Variants in SS18L1 observed in about 807,000 individuals in gnomAD.
The protein encoded by SS18L1 is SS18L1 subunit of BAF chromatin remodeling complex.
A neutral mutation model predicts 70.3 loss-of-function variants in SS18L1; 32 were observed. That is an observed-to-expected ratio of 0.46 (90% CI 0.34 to 0.61). The LOEUF (loss-of-function observed/expected upper bound fraction) is 0.61. Among genes scored for constraint, SS18L1 ranks in the 20% least tolerant of loss-of-function variants. The probability of loss-of-function intolerance (pLI) is 0.01; values close to 1 mark genes in which losing one functional copy is unlikely to be tolerated. For missense variants in SS18L1, 430 were observed against 542.1 expected, an observed-to-expected ratio of 0.79 and a Z score of 2.05; for synonymous variants, 237 against 229.7, an observed-to-expected ratio of 1.03 and a Z score of -0.29.
At position 62,158,029 on chromosome 20, in the gene SS18L1, GA is replaced by G. The variant is rs1385345172; in HGVS notation, c.70-642del. 6.6e-6 allele frequency among the ~76,000 whole-genome samples: 1 copy of G among 152,176 alleles called. No homozygotes were observed. The highest frequency in any genetic ancestry group is 1.5e-5 in the Non-Finnish European group (1 of 68,032). On this transcript the variant is annotated intron_variant, in intron 1 of 10. Coordinates refer to ENST00000331758, the MANE Select transcript of SS18L1 (RefSeq NM_198935.3). This position sits in a 1 kb window ranked among gnomAD's most constrained non-coding sequence, Gnocchi z 4.5. ...GCCCTGGACCCCTGCTGATCCTTGG[GA>G]GGGGGCAGTTACCTGTGCCCCACCC...
chr20:62,154,351 G>A (rs1362626049), intron 1 of SS18L1: 23 of 1,049,904 alleles, frequency 2.2e-5, no homozygotes, highest in Non-Finnish European at 2.6e-5. Context: ...CTAACTTGCG[G>A]GTCTGAAAGT....
chr20:62,164,049 C>T (rs187372533), intron 6 of SS18L1, 96 bp from the exon 7 acceptor site: 843 of 1,095,852 alleles, frequency 7.7e-4, no homozygotes, highest in Non-Finnish European at 1.0e-3. Flanking sequence ...GTGGGTGAGG[C>T]CATTCAGCAA....
At chr20:62,150,673 A>G (rs1484365611) in intron 1 of SS18L1, among the ~76,000 whole-genome samples, 7 of 33,264 alleles carry the variant, frequency 2.1e-4, no homozygotes, top group African/African-American at 4.0e-4. Flanking sequence ...TTTTTTTTGG[A>G]GACAGAGTCT....
chr20:62,144,273 C>T (rs1436320178), intron 1 of SS18L1, among the ~76,000 whole-genome samples: 1 of 152,058 alleles, frequency 6.6e-6, no homozygotes, highest in East Asian at 1.9e-4. Context: ...CCCTCGGGGC[C>T]GGAGCCGCGG....
rs750868725 is a variant in SS18L1, at chr20:62,162,895, G to A, written c.520G>A (p.Val174Met). ...MQGQGTIGNY[V>M]SRTNINMQSN... ...GGGGCAAGGCACCATCGGCAACTAC[G>A]TGTCTCGGACCAACATCAACATGCA... The change falls in exon 5 of 11, where the codon GTG becomes ATG. Residue 174 changes from valine (V) to methionine (M), a missense_variant. By Grantham distance (21) the Val-to-Met change is conservative (BLOSUM62 1). Coordinates refer to ENST00000331758, the MANE Select transcript of SS18L1 (RefSeq NM_198935.3). The A allele has an allele frequency of 2.5e-6, 4 of 1,612,904 alleles. No homozygotes were observed. The highest frequency in any genetic ancestry group is 2.2e-5 in the East Asian group (1 of 44,854).
chr20:62,149,906 A>G (rs2057096998), intron 1 of SS18L1, among the ~76,000 whole-genome samples: 1 of 152,228 alleles, frequency 6.6e-6, no homozygotes, highest in South Asian at 2.1e-4. Context: ...TGCTAGTACA[A>G]TAAGCACGTC....
intron 10 of SS18L1, among the ~76,000 whole-genome samples, chr20:62,175,844 T>C (rs1368353256): frequency 6.6e-6 from 1 of 152,224 alleles, no homozygotes; most frequent in African/African-American, 2.4e-5. Flanking sequence ...GGCACCGTAC[T>C]CGGCCATGCC....
At chr20:62,144,134 C>T (rs564791005) in intron 1 of SS18L1, among the ~76,000 whole-genome samples, 268 of 150,904 alleles carry the variant, frequency 1.8e-3, no homozygotes, top group African/African-American at 6.0e-3. Context: ...CGCGCGGGTC[C>T]CTCGGGCCGG....
chr20:62,153,743 G>A (rs1407800077), intron 1 of SS18L1, among the ~76,000 whole-genome samples: 2 of 152,052 alleles, frequency 1.3e-5, no homozygotes, highest in Non-Finnish European at 2.9e-5. Flanking sequence ...TCAGTCTCGG[G>A]GCTGCTCTCC....
At chr20:62,162,976 C>G (rs370317803) in intron 5 of SS18L1, 45 bp downstream of exon 5, 4 of 1,596,094 alleles carry the variant, frequency 2.5e-6, no homozygotes, top group African/African-American at 1.3e-5. Flanking sequence ...GGGCCTGCCT[C>G]CAAGACCCTT....
At position 62,181,855 on chromosome 20, in the gene SS18L1, T is replaced by C; in HGVS notation, c.*2647T>C. 4.4e-6 allele frequency: 1 copy of C among 227,944 alleles called. No individual in the cohort carries two copies. The highest frequency in any genetic ancestry group is 8.7e-6 in the Non-Finnish European group (1 of 114,758). The allele number at this position is 227,944 out of a possible 1,614,324, so 14.1% of individuals were successfully genotyped here. A position where few individuals can be genotyped will look rare whatever the true frequency, so the allele number is the denominator to read the frequency against. ...TGGTGCTTTGTTTTTTTCTGACTACTTCTATGGAAGGCCAGTGAAGAAGCA... is the reference window on the plus strand; with the variant it reads ...TGGTGCTTTGTTTTTTTCTGACTACCTCTATGGAAGGCCAGTGAAGAAGCA... On this transcript the variant is annotated 3_prime_UTR_variant, in exon 11 of 11. Transcript: ENST00000331758.
In SS18L1 at chr20:62,162,906, C is replaced by T; in HGVS notation, c.531C>T (p.Thr177=). 2 of 1,612,822 alleles carry T rather than the reference C, an allele frequency of 1.2e-6. No individual in the cohort carries two copies. Among genetic ancestry groups the T allele is most frequent in the South Asian group, 1.1e-5 (1 of 91,052 alleles). The part of the protein sequence containing the change: ...QGTIGNYVSR[T]NINMQSNPVS... ...CCATCGGCAACTACGTGTCTCGGAC[C>T]AACATCAACATGCAGTCCAACCCAG... is the stretch of plus-strand genomic sequence containing the variant. The change falls in exon 5 of 11, where the codon ACC becomes ACT. Residue 177 remains threonine (T), a synonymous_variant. Transcript: ENST00000331758.
rs369294774 is a variant in SS18L1 at position 62,161,501 on chromosome 20, G to C, written c.297G>C (p.Leu99=). 3.7e-6 allele frequency: 6 copies of C among 1,612,864 alleles called. No individual in the cohort carries two copies. The African/African-American group carries it at 8.0e-5, about 21-fold the overall frequency. The change falls in exon 4 of 11, where the codon CTG becomes CTC. Residue 99 remains leucine, a synonymous_variant. Transcript: ENST00000331758. This position sits in a 1 kb window ranked among gnomAD's most constrained non-coding sequence, Gnocchi z 4.4. ...ALTQSGSSQG[L]HSQGSLSDAI... ...CTCAGAGCGGCTCCAGCCAGGGCCT[G>C]CACTCTCAGGGCAGCCTGAGTGACG...
chr20:62,182,271 C>G lies in SS18L1; in HGVS notation c.*3063C>G, dbSNP rs369938726. On this transcript the variant is annotated 3_prime_UTR_variant, in exon 11 of 11. Coordinates refer to ENST00000331758, the MANE Select transcript of SS18L1 (RefSeq NM_198935.3). ...GTGAATAGGGGGCACCCCTTCAAAA[C>G]TGTACAAAGAAGACGACTGTTTTCC... 54 of 218,376 alleles carry G rather than the reference C, an allele frequency of 2.5e-4. No individual in the cohort carries two copies. The highest frequency in any genetic ancestry group is 1.1e-3 in the African/African-American group (48 of 44,548). The allele number at this position is 218,376 out of a possible 1,614,324, so 13.5% of individuals were successfully genotyped here.
Position 62,158,638 on chromosome 20 carries a change from G to A in SS18L1, c.70-34G>A, listed in dbSNP as rs377186078. ...CATCCCGAGGGTCAGCGACAGCCCC[G>A]CGTCGGCAGCGCCCGCTCACGCTCT... On this transcript the variant is annotated intron_variant, in intron 1 of 10. Coordinates refer to ENST00000331758, the MANE Select transcript of SS18L1 (RefSeq NM_198935.3). This position sits in a 1 kb window ranked among gnomAD's most constrained non-coding sequence, Gnocchi z 4.5. 9.3e-6 allele frequency: 15 copies of A among 1,607,982 alleles called. No homozygotes were observed. The highest frequency in any genetic ancestry group is 5.3e-5 in the African/African-American group (4 of 74,878).
Position 62,174,831 on chromosome 20 carries a change from G to A in SS18L1, c.1164+187G>A. On this transcript the variant is annotated intron_variant, in intron 10 of 10. Coordinates refer to ENST00000331758, the MANE Select transcript of SS18L1 (RefSeq NM_198935.3). This position sits in a 1 kb window ranked among gnomAD's most constrained non-coding sequence, Gnocchi z 4.1. ...TGCCTCTGTGTATACGCTCACCTCA[G>A]TCATCCAGCTGGCTTTTCATACCCT... 6.8e-7 allele frequency: 1 copy of A among 1,473,344 alleles called. No homozygotes were observed. Among genetic ancestry groups the A allele is most frequent in the Non-Finnish European group, 9.0e-7 (1 of 1,109,250 alleles). 91.3% of individuals were successfully genotyped at this position (1,473,344 alleles called of 1,614,324 possible).
At chr20:62,154,745 G>T (rs920876989) in intron 1 of SS18L1, among the ~76,000 whole-genome samples, 54 of 152,194 alleles carry the variant, frequency 3.5e-4, no homozygotes, top group Admixed American at 3.5e-3. Context: ...TCACCTGGGG[G>T]CCCTTCCAAT....
chr20:62,171,856 A>T (rs963455616), intron 8 of SS18L1, among the ~76,000 whole-genome samples: 1 of 152,118 alleles, frequency 6.6e-6, no homozygotes, highest in Non-Finnish European at 1.5e-5. Context: ...CTGTCTCTAC[A>T]AAAGATTTAA....
At chr20:62,144,480 C>G (rs968679244) in intron 1 of SS18L1, among the ~76,000 whole-genome samples, 8 of 152,238 alleles carry the variant, frequency 5.3e-5, no homozygotes, top group South Asian at 4.1e-4. Flanking sequence ...GGACGCGTCC[C>G]GATCCCCATT....
Sources: allele counts gnomAD v4.1 joint callset (sites outside exome capture counted in the v4.1 genomes callset), GRCh38; gene constraint gnomAD v4.1.1; non-coding constraint Gnocchi (gnomAD v3.1); transcripts MANE v1.5; gene names NCBI Gene and HGNC (gene_info 2026-07-23, HGNC 2026-07-21).